C6orf89: variants seen among roughly 807,000 people sequenced by gnomAD.
C6orf89 encodes chromosome 6 open reading frame 89.
A neutral mutation model predicts 40.7 loss-of-function variants in C6orf89; 29 were observed. That is an observed-to-expected ratio of 0.71 (90% confidence interval 0.53 to 0.97). The LOEUF is 0.97. Among genes scored for constraint, C6orf89 ranks in the 50% least tolerant of loss-of-function variants. The probability of loss-of-function intolerance (pLI) is 0.00; values close to 1 mark genes in which losing one functional copy is unlikely to be tolerated. For synonymous variants in C6orf89, 165 were observed against 152.2 expected (o/e 1.08, Z -0.62); for missense variants, 392 against 429.1 (o/e 0.91, Z 0.76).
At chr6:36,901,329 T>A (rs1184418689) in intron 3 of C6orf89, among the ~76,000 whole-genome samples, 609 of 45,480 alleles carry the variant, frequency 0.013, 10 homozygotes, top group African/African-American at 0.054. Context: ...TTATTTTTTT[T>A]TTTTTTTTTT....
At chr6:36,874,604 G>GC in intron 1 of C6orf89, 1 of 1,388,922 alleles carries the variant, frequency 7.2e-7, no homozygotes, top group Admixed American at 1.8e-5. Flanking sequence ...GCTGCTCCAC[G>GC]CCCCTCCACG....
chr6:36,916,270 T>C (rs1394615643), intron 6 of C6orf89, among the ~76,000 whole-genome samples, 175 bp from the exon 7 acceptor site: 1 of 152,272 alleles, frequency 6.6e-6, no homozygotes, highest in African/African-American at 2.4e-5. Flanking sequence ...GTACACATTA[T>C]AGTTCATTGA....
chr6:36,923,821 G>T lies in C6orf89; in HGVS notation c.*380G>T, dbSNP rs1762594325. Reference sequence around the variant, plus strand: ...CTGGCAGTGGAGAGGGCAGCCAACAGGTTCTAATGTCAGAGCCATCCTTTA... The same window carrying T: ...CTGGCAGTGGAGAGGGCAGCCAACATGTTCTAATGTCAGAGCCATCCTTTA... On this transcript the variant is annotated 3_prime_UTR_variant, in exon 9 of 9. Coordinates refer to ENST00000480824, the MANE Select transcript of C6orf89 (RefSeq NM_001286635.2). 1 of 332,100 alleles carries T rather than the reference G, an allele frequency of 3.0e-6. No homozygotes were observed. The allele number at this position is 332,100 out of a possible 1,614,324, so 20.6% of individuals were successfully genotyped here. A position where few individuals can be genotyped will look rare whatever the true frequency, so the allele number is the denominator to read the frequency against.
Position 36,914,667 on chromosome 6 carries a change from G to A in C6orf89, c.669G>A (p.Glu223=), listed in dbSNP as rs2150710059. The part of the protein sequence containing the change: ...FFAKWWRCFP[E]RWFPFPYPWR... ...CCAAGTGGTGGCGCTGCTTTCCTGAGCGGTGGTTCCCATTTCCTTATCCAT... is the reference window on the plus strand; with the variant it reads ...CCAAGTGGTGGCGCTGCTTTCCTGAACGGTGGTTCCCATTTCCTTATCCAT... Residue 223 remains glutamate (E), a synonymous_variant, in exon 6 of 9, where the codon GAG becomes GAA. Transcript: ENST00000480824. 2 of 1,614,228 alleles carry A rather than the reference G, an allele frequency of 1.2e-6. No homozygotes were observed. Among genetic ancestry groups the A allele is most frequent in the Non-Finnish European group, 1.7e-6 (2 of 1,180,036 alleles).
intron 2 of C6orf89, among the ~76,000 whole-genome samples, chr6:36,879,345 T>G (rs1451924539): frequency 6.6e-6 from 1 of 152,180 alleles, no homozygotes; most frequent in Non-Finnish European, 1.5e-5. Context: ...CACATGTATT[T>G]TGCTCTGGCC....
At chr6:36,911,013 C>G (rs1268174187) in intron 4 of C6orf89, among the ~76,000 whole-genome samples, 1 of 151,970 alleles carries the variant, frequency 6.6e-6, no homozygotes, top group East Asian at 1.9e-4. Context: ...TACTTGTGTT[C>G]GCCTCTAACT....
chr6:36,881,628 C>T (rs1365654195), upstream of C6orf89, among the ~76,000 whole-genome samples: 1 of 152,160 alleles, frequency 6.6e-6, no homozygotes, highest in African/African-American at 2.4e-5. Flanking sequence ...AAGCCAAGAT[C>T]ACACCATTGC....
intron 8 of C6orf89, among the ~76,000 whole-genome samples, chr6:36,921,750 G>A (rs1762516318): frequency 6.6e-6 from 1 of 152,090 alleles, no homozygotes; most frequent in Admixed American, 6.5e-5. Flanking sequence ...GTTAGGGGCT[G>A]AGCAGGGTAG....
intron 7 of C6orf89, among the ~76,000 whole-genome samples, chr6:36,917,496 GA>G (rs1435528143): frequency 6.6e-6 from 1 of 152,156 alleles, no homozygotes; most frequent in Non-Finnish European, 1.5e-5. Context: ...CGGTTTGGGA[GA>G]ATTAAAAGCA....
At chr6:36,892,713 A>C (rs1177666470) in intron 1 of C6orf89, 2 of 152,254 alleles carry the variant, frequency 1.3e-5, no homozygotes, top group African/African-American at 4.8e-5. Flanking sequence ...GAGGTGGTGC[A>C]TGATACTTTG....
chr6:36,896,294 G>A (rs904531959), intron 2 of C6orf89, among the ~76,000 whole-genome samples: 1 of 152,100 alleles, frequency 6.6e-6, no homozygotes, highest in South Asian at 2.1e-4. Context: ...TTTTAGTAGA[G>A]ACAGGGTTTC....
At chr6:36,905,990 G>A (rs1257248023) in intron 4 of C6orf89, among the ~76,000 whole-genome samples, 1 of 152,198 alleles carries the variant, frequency 6.6e-6, no homozygotes, top group Non-Finnish European at 1.5e-5. Context: ...CCAGGCGCTA[G>A]CATGTTCAGC....
chr6:36,914,254 C>A (rs1397048970), intron 4 of C6orf89, 30 bp from the exon 5 acceptor site: 1 of 1,586,590 alleles, frequency 6.3e-7, no homozygotes, highest in Admixed American at 1.8e-5. Context: ...CTTTCAGTAT[C>A]TGTTTTCTCC....
rs562183642 is a variant in C6orf89 at position 36,919,637 on chromosome 6, C to T, written c.885C>T (p.Ile295=). 5.9e-5 allele frequency: 96 copies of T among 1,614,164 alleles called. No individual in the cohort carries two copies. In the South Asian group the frequency reaches 9.9e-4, roughly 17 times the overall value. The part of the protein sequence containing the change: ...IGSGEAMLQL[I]PPFQCRRHCQ... Reference sequence around the variant, plus strand: ...GCGGTGAGGCCATGTTGCAGCTCATCCCTCCCTTCCAGTGCCGAAGACATT... The same window carrying T: ...GCGGTGAGGCCATGTTGCAGCTCATTCCTCCCTTCCAGTGCCGAAGACATT... Residue 295 remains isoleucine (I), a synonymous_variant, in exon 8 of 9, where the codon ATC becomes ATT. Transcript: ENST00000480824.
chr6:36,923,342 T>C lies in C6orf89; in HGVS notation c.950-5T>C. On this transcript the variant is annotated splice_region_variant and splice_polypyrimidine_tract_variant and intron_variant, in intron 8 of 8. Coordinates refer to ENST00000480824, the MANE Select transcript of C6orf89 (RefSeq NM_001286635.2). ...CATGCCTTCCTCTTGCTATTTCCCC[T>C]CAAGGCTATGTCGACACCACCCACT... is the stretch of plus-strand genomic sequence containing the variant. 6.2e-7 allele frequency: 1 copy of C among 1,612,092 alleles called. No individual in the cohort carries two copies. The highest frequency in any genetic ancestry group is 8.5e-7 in the Non-Finnish European group (1 of 1,178,354).
In C6orf89 at chr6:36,899,524, A is replaced by G. The variant is rs1310908752; in HGVS notation, c.80A>G (p.Gln27Arg). Residue 27 changes from glutamine to arginine, a missense_variant, in exon 3 of 9, where the codon CAG becomes CGG. Physicochemically the swap from Gln to Arg is conservative, Grantham distance 43 (BLOSUM62 1). Coordinates refer to ENST00000480824, the MANE Select transcript of C6orf89 (RefSeq NM_001286635.2). The part of the protein sequence containing the change: ...TVDLVRQTGH[Q>R]CGMSEKAIEK... ...GATTTGGTGAGACAGACCGGCCATCAGTGTGGCATGTCAGAGAAGGCAATT... is the reference window on the plus strand; with the variant it reads ...GATTTGGTGAGACAGACCGGCCATCGGTGTGGCATGTCAGAGAAGGCAATT... 1.2e-6 allele frequency: 2 copies of G among 1,614,064 alleles called. No individual in the cohort carries two copies. Among genetic ancestry groups the G allele is most frequent in the Non-Finnish European group, 1.7e-6 (2 of 1,180,024 alleles).
intron 7 of C6orf89, 42 bp from the exon 8 acceptor site, chr6:36,919,536 T>G: frequency 6.3e-7 from 1 of 1,590,630 alleles, no homozygotes; most frequent in South Asian, 1.1e-5. Flanking sequence ...TATTTCGTTT[T>G]CTTTGCCTTC....
At chr6:36,903,922 T>G (rs1416876577) in intron 4 of C6orf89, among the ~76,000 whole-genome samples, 1 of 152,110 alleles carries the variant, frequency 6.6e-6, no homozygotes, top group Admixed American at 6.5e-5. Flanking sequence ...TTGTATTTAT[T>G]GGGAAGGTTG....
chr6:36,901,888 G>A (rs962948491), intron 3 of C6orf89, among the ~76,000 whole-genome samples: 4 of 151,208 alleles, frequency 2.6e-5, no homozygotes, highest in African/African-American at 9.7e-5. Flanking sequence ...AGCCAGGATG[G>A]TCTCGATCTC....
Sources: allele counts gnomAD v4.1 joint callset (sites outside exome capture counted in the v4.1 genomes callset), GRCh38; gene constraint gnomAD v4.1.1; transcripts MANE v1.5; gene names NCBI Gene and HGNC (gene_info 2026-07-23, HGNC 2026-07-21).